DENND1B: variants seen among roughly 807,000 people sequenced by gnomAD.
The protein encoded by DENND1B is DENN domain containing 1B.
Under a neutral mutation model 90.1 loss-of-function variants are expected in DENND1B, and 59 were observed. The ratio of observed to expected loss-of-function variants is 0.65; its 90% CI spans 0.53 to 0.81. The LOEUF is 0.81. Ranked by LOEUF, DENND1B falls within the 40% of genes least tolerant of loss-of-function variation. The pLI is 0.00. For synonymous variants in DENND1B, 337 were observed against 324.6 expected, an observed-to-expected ratio of 1.04 and a Z score of -0.41; for missense variants, 862 against 912.6, an observed-to-expected ratio of 0.94 and a Z score of 0.71.
At chr1:197,674,768 G>A (rs553526851) in intron 3 of DENND1B, among the ~76,000 whole-genome samples, 18 of 151,640 alleles carry the variant, frequency 1.2e-4, no homozygotes, top group Non-Finnish European at 2.5e-4. Context: ...TTAAAGAAAT[G>A]TGTATCTAAA....
At chr1:197,564,656 T>C (rs1672474359) in intron 15 of DENND1B, among the ~76,000 whole-genome samples, 1 of 151,980 alleles carries the variant, frequency 6.6e-6, no homozygotes, top group South Asian at 2.1e-4. Flanking sequence ...CTCTGAGCTA[T>C]GAGTAAAGAA....
chr1:197,693,822 A>G (rs1463293395), intron 3 of DENND1B, among the ~76,000 whole-genome samples: 1 of 151,470 alleles, frequency 6.6e-6, no homozygotes, highest in African/African-American at 2.4e-5. Flanking sequence ...TCTTCTCCCC[A>G]GGGTAGAATA....
At chr1:197,547,762 T>C (rs1670922568) in intron 16 of DENND1B, among the ~76,000 whole-genome samples, 1 of 152,222 alleles carries the variant, frequency 6.6e-6, no homozygotes, top group Non-Finnish European at 1.5e-5. Flanking sequence ...ATATTTCCCT[T>C]GTAAAATAAT....
At chr1:197,739,971 T>C (rs1297089866) in intron 2 of DENND1B, among the ~76,000 whole-genome samples, 1 of 152,206 alleles carries the variant, frequency 6.6e-6, no homozygotes, top group African/African-American at 2.4e-5. Flanking sequence ...AGTTACCCTA[T>C]GAAAATTTTG....
intron 13 of DENND1B, among the ~76,000 whole-genome samples, chr1:197,600,720 C>A (rs1676129485): frequency 6.6e-6 from 1 of 151,628 alleles, no homozygotes; most frequent in Non-Finnish European, 1.5e-5. Context: ...GGATAATAAA[C>A]AAACAGTATA....
At chr1:197,659,697 G>A (rs1005651477) in intron 5 of DENND1B, among the ~76,000 whole-genome samples, 2 of 151,898 alleles carry the variant, frequency 1.3e-5, no homozygotes, top group Non-Finnish European at 2.9e-5. Context: ...CAGCAGAAAA[G>A]AGTAAACCAA....
chr1:197,616,300 A>G (rs894581824), intron 11 of DENND1B, among the ~76,000 whole-genome samples: 3 of 151,114 alleles, frequency 2.0e-5, no homozygotes, highest in African/African-American at 7.3e-5. Flanking sequence ...TAAATAAATG[A>G]GACCCTCCCT....
rs1660698320 is a variant in DENND1B, at chr1:197,716,902, T to TTACC, written c.83-1832_83-1829dup. Among the ~76,000 whole-genome samples the TTACC allele has an allele frequency of 2.0e-5, 3 of 152,004 alleles. No homozygotes were observed. The South Asian group carries it at 6.2e-4, about 31-fold the overall frequency. On this transcript the variant is annotated intron_variant, in intron 2 of 22. Coordinates refer to ENST00000620048, the MANE Select transcript of DENND1B (RefSeq NM_001195215.2). ...AGTTTGCCCTTGCTGTTTGTAGCAT[T>TTACC]TACCTAAATATGTTTTGCTGCCTGA...
chr1:197,738,658 A>G (rs1454501356), intron 2 of DENND1B, among the ~76,000 whole-genome samples: 1 of 152,228 alleles, frequency 6.6e-6, no homozygotes, highest in Non-Finnish European at 1.5e-5. Flanking sequence ...TCTTCTAACC[A>G]TAGATGCAGA....
At chr1:197,558,332 G>C (rs1671878949) in intron 15 of DENND1B, among the ~76,000 whole-genome samples, 1 of 143,044 alleles carries the variant, frequency 7.0e-6, no homozygotes, top group Non-Finnish European at 1.5e-5. Flanking sequence ...ATTATAAATA[G>C]ATAAAATTGA....
At chr1:197,599,891 A>G (rs1676046616) in intron 13 of DENND1B, among the ~76,000 whole-genome samples, 1 of 151,870 alleles carries the variant, frequency 6.6e-6, no homozygotes. Context: ...AATAAAATCC[A>G]AAGGTCTTTA....
At chr1:197,546,851 T>C (rs10922249) in intron 16 of DENND1B, 78 bp from the exon 17 acceptor site, 411,931 of 1,325,708 alleles carry the variant, frequency 0.31, 67,181 homozygotes, top group Middle Eastern at 0.36. Flanking sequence ...CAAGAACTAG[T>C]ATTTGCACAA....
chr1:197,635,786 T>C (rs970660698), intron 10 of DENND1B, among the ~76,000 whole-genome samples: 5 of 152,178 alleles, frequency 3.3e-5, no homozygotes, highest in African/African-American at 7.2e-5. Flanking sequence ...CTAAGCCTTC[T>C]GTAAAGCAAA....
chr1:197,760,976 T>G (rs1044742252), intron 2 of DENND1B, among the ~76,000 whole-genome samples: 6 of 152,216 alleles, frequency 3.9e-5, no homozygotes, highest in African/African-American at 1.4e-4. Flanking sequence ...AGTATTTTTG[T>G]ACGTAACAGT....
rs534295334 is a variant in DENND1B at position 197,638,144 on chromosome 1, A to G, written c.672+4567T>C. Among the ~76,000 whole-genome samples the G allele has an allele frequency of 2.0e-5, 3 of 152,330 alleles. No individual in the cohort carries two copies. In the South Asian group the frequency reaches 6.2e-4, roughly 32 times the overall value. ...TGCCCTTGATGGAATTAATGAGAGG[A>G]GAGAAAAGCATATGCTTAAATGCCT... On this transcript the variant is annotated intron_variant, in intron 10 of 22. Transcript: ENST00000620048.
At chr1:197,675,878 G>A (rs183359888) in intron 3 of DENND1B, among the ~76,000 whole-genome samples, 30 of 151,838 alleles carry the variant, frequency 2.0e-4, no homozygotes, top group Non-Finnish European at 2.2e-4. Context: ...CAAGACGAAC[G>A]CTTCCCAGTT....
chr1:197,743,142 T>G (rs904560713), intron 2 of DENND1B, among the ~76,000 whole-genome samples: 14 of 152,152 alleles, frequency 9.2e-5, no homozygotes, highest in African/African-American at 3.4e-4. Context: ...AACATGATAT[T>G]AACAAGATTA....
intron 7 of DENND1B, among the ~76,000 whole-genome samples, chr1:197,650,964 T>G (rs1345816910): frequency 6.6e-6 from 1 of 152,106 alleles, no homozygotes; most frequent in African/African-American, 2.4e-5. Flanking sequence ...AAATCACCAC[T>G]AAAGAACTTA....
At chr1:197,574,672 C>G (rs142972599) in intron 15 of DENND1B, among the ~76,000 whole-genome samples, 1 of 152,086 alleles carries the variant, frequency 6.6e-6, no homozygotes, top group Non-Finnish European at 1.5e-5. Context: ...GGAGGCATCA[C>G]GCTACCTAAC....
Sources: allele counts gnomAD v4.1 joint callset (sites outside exome capture counted in the v4.1 genomes callset), GRCh38; gene constraint gnomAD v4.1.1; transcripts MANE v1.5; gene names NCBI Gene and HGNC (gene_info 2026-07-23, HGNC 2026-07-21).